HLCS: variants seen among roughly 807,000 people sequenced by gnomAD.
HLCS encodes the protein biotin--protein ligase.
Under a neutral mutation model 75.0 loss-of-function variants are expected in HLCS, and 53 were observed. That is an observed-to-expected ratio of 0.71 (90% CI 0.57 to 0.89). The LOEUF is 0.89. Among genes scored for constraint, HLCS ranks in the 40% least tolerant of loss-of-function variants. The probability of loss-of-function intolerance (pLI) is 0.00; values close to 1 mark genes in which losing one functional copy is unlikely to be tolerated. For synonymous variants in HLCS, 431 were observed against 428.6 expected (o/e 1.01, Z -0.07); for missense variants, 966 against 1,074.0 (o/e 0.90, Z 1.41).
intron 9 of HLCS, among the ~76,000 whole-genome samples, chr21:36,758,307 CA>C (rs1260730712): frequency 1.3e-5 from 2 of 152,100 alleles, no homozygotes; most frequent in African/African-American, 2.4e-5. Flanking sequence ...AGGGTTTCGC[CA>C]TGTCACTCAG....
At chr21:36,978,806 G>C (rs980562364) in intron 1 of HLCS, among the ~76,000 whole-genome samples, 12 of 152,170 alleles carry the variant, frequency 7.9e-5, no homozygotes, top group African/African-American at 2.9e-4. Flanking sequence ...ACTCAGCTGG[G>C]AACTCCAGAC....
chr21:36,769,197 T>A (rs1346086938), intron 6 of HLCS, among the ~76,000 whole-genome samples: 1 of 152,148 alleles, frequency 6.6e-6, no homozygotes, highest in East Asian at 1.9e-4. Context: ...TAACAGGGCA[T>A]ATTAATGAGA....
chr21:36,868,204 G>A (rs543640177), intron 6 of HLCS, among the ~76,000 whole-genome samples: 2 of 145,828 alleles, frequency 1.4e-5, no homozygotes, highest in Non-Finnish European at 3.0e-5. Context: ...AGGGAAAAGG[G>A]AAGGGAAGGG....
intron 6 of HLCS, among the ~76,000 whole-genome samples, chr21:36,789,418 A>C (rs1001885615): frequency 1.3e-5 from 2 of 152,270 alleles, no homozygotes; most frequent in African/African-American, 4.8e-5. Flanking sequence ...CATTTAATTA[A>C]CTAAAATTAT....
chr21:36,837,459 C>T (rs1379704085), intron 6 of HLCS, among the ~76,000 whole-genome samples: 2 of 152,050 alleles, frequency 1.3e-5, no homozygotes, highest in African/African-American at 4.8e-5. Context: ...TTGGCCATGT[C>T]CACGTCAAGT....
intron 4 of HLCS, among the ~76,000 whole-genome samples, chr21:36,934,115 G>A (rs16994604): frequency 0.02 from 3,117 of 152,248 alleles, 109 homozygotes; most frequent in African/African-American, 0.067. Context: ...TGTACTCCTC[G>A]TCCACAGAGG....
At chr21:36,929,854 C>A (rs748199319) in intron 5 of HLCS, among the ~76,000 whole-genome samples, 6 of 152,216 alleles carry the variant, frequency 3.9e-5, no homozygotes, top group Non-Finnish European at 7.3e-5. Context: ...AAACCCAGAG[C>A]GCTGTTGCCA....
intron 6 of HLCS, among the ~76,000 whole-genome samples, chr21:36,795,154 G>A (rs1247022185): frequency 2.0e-5 from 3 of 152,180 alleles, no homozygotes; most frequent in African/African-American, 7.2e-5. Flanking sequence ...TCTGGCAAAG[G>A]CACCAGGTTG....
chr21:36,872,917 G>T (rs1383651989), intron 6 of HLCS, among the ~76,000 whole-genome samples: 1 of 152,090 alleles, frequency 6.6e-6, no homozygotes, highest in East Asian at 1.9e-4. Context: ...TTTCAAAATG[G>T]TCGTATCATT....
intron 5 of HLCS, among the ~76,000 whole-genome samples, chr21:36,926,429 C>A (rs1031766278): frequency 6.6e-6 from 1 of 152,190 alleles, no homozygotes; most frequent in Non-Finnish European, 1.5e-5. Flanking sequence ...AAAGTATCAA[C>A]ACCTATGAGA....
chr21:36,861,826 G>A (rs1445412427), intron 6 of HLCS, among the ~76,000 whole-genome samples: 1 of 152,048 alleles, frequency 6.6e-6, no homozygotes, highest in Non-Finnish European at 1.5e-5. Context: ...AAGACTCAAC[G>A]GTCTTGATAC....
At chr21:36,904,520 A>G (rs1236717485) in intron 5 of HLCS, among the ~76,000 whole-genome samples, 1 of 152,120 alleles carries the variant, frequency 6.6e-6, no homozygotes, top group Non-Finnish European at 1.5e-5. Context: ...AAATGAAACC[A>G]GGGCCCTCTT....
At chr21:36,865,117 G>A (rs888289996) in intron 6 of HLCS, among the ~76,000 whole-genome samples, 1 of 151,982 alleles carries the variant, frequency 6.6e-6, no homozygotes, top group African/African-American at 2.4e-5. Context: ...GGGGCAGGGT[G>A]GGGTGCGTGG....
intron 6 of HLCS, among the ~76,000 whole-genome samples, chr21:36,793,082 T>C (rs2060918488): frequency 6.6e-6 from 1 of 152,158 alleles, no homozygotes; most frequent in African/African-American, 2.4e-5. Flanking sequence ...CTCATGCGCT[T>C]TTGATTCCTG....
At chr21:36,760,597 G>C (rs1348895544) in intron 8 of HLCS, among the ~76,000 whole-genome samples, 1 of 149,000 alleles carries the variant, frequency 6.7e-6, no homozygotes, top group Non-Finnish European at 1.5e-5. Context: ...GTGACAGGGC[G>C]AGACTCTGTC....
intron 5 of HLCS, among the ~76,000 whole-genome samples, chr21:36,913,273 C>T (rs2065797749): frequency 6.6e-6 from 1 of 152,170 alleles, no homozygotes; most frequent in African/African-American, 2.4e-5. Flanking sequence ...CACAAAGAGA[C>T]CTACCTAACC....
intron 6 of HLCS, among the ~76,000 whole-genome samples, chr21:36,790,450 G>T (rs2060827593): frequency 6.6e-6 from 1 of 152,164 alleles, no homozygotes. Context: ...GTGTGTGTTT[G>T]TTGGCTGATG....
intron 6 of HLCS, among the ~76,000 whole-genome samples, chr21:36,812,201 C>A (rs972052078): frequency 6.6e-6 from 1 of 152,054 alleles, no homozygotes; most frequent in Non-Finnish European, 1.5e-5. Flanking sequence ...TGAGGTTTTG[C>A]GGAATCAACT....
intron 1 of HLCS, among the ~76,000 whole-genome samples, chr21:36,989,500 GT>G (rs1345558901): frequency 3.5e-4 from 52 of 150,354 alleles, no homozygotes; most frequent in African/African-American, 1.2e-3. Context: ...ACTAATTTTT[GT>G]TATTTTTAGC....
Sources: allele counts gnomAD v4.1 joint callset (sites outside exome capture counted in the v4.1 genomes callset), GRCh38; gene constraint gnomAD v4.1.1; transcripts MANE v1.5; gene names NCBI Gene and HGNC (gene_info 2026-07-23, HGNC 2026-07-21).